MPDZ: variants seen among roughly 807,000 people sequenced by gnomAD.
The protein encoded by MPDZ is multiple PDZ domain crumbs cell polarity complex component, also known as multiple PDZ domain protein.
In MPDZ, 234 loss-of-function variants were observed where a neutral mutation model predicts 239.1. The ratio of observed to expected loss-of-function variants is 0.98; its 90% CI spans 0.88 to 1.09. MPDZ has a LOEUF of 1.09. Ranked by LOEUF, MPDZ falls within the 50% of genes least tolerant of loss-of-function variation. The probability of loss-of-function intolerance (pLI) is 0.00; values close to 1 mark genes in which losing one functional copy is unlikely to be tolerated. For missense variants in MPDZ, 3,175 were observed against 2,510.0 expected, an observed-to-expected ratio of 1.26 and a Z score of -5.66; for synonymous variants, 1,048 against 881.3, an observed-to-expected ratio of 1.19 and a Z score of -3.35.
chr9:13,115,371 T>C (rs1445360531), intron 39 of MPDZ, 37 bp from the exon 40 acceptor site: 2 of 1,488,538 alleles, frequency 1.3e-6, no homozygotes, highest in African/African-American at 2.8e-5. Flanking sequence ...ATGGAAATGT[T>C]TAAATAAAAT....
At chr9:13,119,118 A>G (rs1943944548) in intron 39 of MPDZ, among the ~76,000 whole-genome samples, 1 of 152,142 alleles carries the variant, frequency 6.6e-6, no homozygotes, top group Non-Finnish European at 1.5e-5. Context: ...ATGACTTTTT[A>G]TTTATTTTTT....
At chr9:13,212,009 C>T (rs1227892493) in intron 10 of MPDZ, among the ~76,000 whole-genome samples, 1 of 152,000 alleles carries the variant, frequency 6.6e-6, no homozygotes, top group Non-Finnish European at 1.5e-5. Flanking sequence ...GCAAAAATCT[C>T]CATGTTGGGG....
At chr9:13,224,915 G>A (rs1020914223) in intron 3 of MPDZ, among the ~76,000 whole-genome samples, 1 of 152,042 alleles carries the variant, frequency 6.6e-6, no homozygotes, top group African/African-American at 2.4e-5. Context: ...ATCCTATGAA[G>A]TAACCTCTAA....
intron 26 of MPDZ, 106 bp from the exon 27 acceptor site, chr9:13,143,670 T>G: frequency 1.2e-6 from 1 of 853,856 alleles, no homozygotes; most frequent in Non-Finnish European, 2.0e-6. Context: ...TGTGTGAAAC[T>G]AGATCCTATC....
chr9:13,191,612 A>G (rs1256574429), intron 15 of MPDZ, among the ~76,000 whole-genome samples: 2 of 152,182 alleles, frequency 1.3e-5, no homozygotes, highest in Non-Finnish European at 2.9e-5. Context: ...ACCTATCCAC[A>G]CAGAAATGCT....
intron 22 of MPDZ, chr9:13,165,420 A>G (rs532437245): frequency 3.2e-5 from 50 of 1,548,866 alleles, no homozygotes; most frequent in African/African-American, 9.6e-5. Flanking sequence ...TAGAATGTGA[A>G]GCATACGCCG....
In MPDZ at chr9:13,198,731, C is replaced by CTGTGTG. The variant is rs1402399099; in HGVS notation, c.1547-2502_1547-2501insCACACA. Among the ~76,000 whole-genome samples the CTGTGTG allele has an allele frequency of 9.0e-4, 4 of 4,436 alleles. No individual in the cohort carries two copies. In the South Asian group the frequency reaches 0.024, roughly 26 times the overall value. 2.9% of individuals were successfully genotyped at this position (4,436 alleles called of 152,430 possible). On this transcript the variant is annotated intron_variant, in intron 12 of 46. Transcript: ENST00000319217. ...GTTCTTATATTTAGGTCTTTAATCT[C>CTGTGTG]TCTCTCTGTGTGTGTGTGTGTGTGT... is the stretch of plus-strand genomic sequence containing the variant.
At position 13,176,392 on chromosome 9, in the gene MPDZ, G is replaced by A; in HGVS notation, c.2675C>T (p.Pro892Leu). 6.3e-7 allele frequency: 1 copy of A among 1,575,728 alleles called. No homozygotes were observed. The highest frequency in any genetic ancestry group is 1.2e-5 in the South Asian group (1 of 83,398). Residue 892 changes from proline (P) to leucine (L), a missense_variant, in exon 20 of 47, where the codon CCA (proline) becomes CTA (leucine). Coordinates refer to ENST00000319217, the MANE Select transcript of MPDZ (RefSeq NM_001378778.1). Reference protein sequence around the residue: ...PKDVIENSCDPVLDLHMSLEE... With the variant: ...PKDVIENSCDLVLDLHMSLEE... The stretch of plus-strand genomic sequence containing the variant: ...CAGAGACATATGCAGATCAAGTACT[G>A]GATCACAAGAATTTTCAATAACATC...
intron 19 of MPDZ, among the ~76,000 whole-genome samples, chr9:13,177,815 T>A (rs926660183): frequency 1.2e-4 from 18 of 152,240 alleles, no homozygotes; most frequent in African/African-American, 4.3e-4. Flanking sequence ...AGTATTCATA[T>A]CCACAAAGTA....
In MPDZ at chr9:13,168,451, T is replaced by C. The variant is rs1397718577; in HGVS notation, c.3169A>G (p.Ile1057Val). Residue 1057 changes from isoleucine (I) to valine (V), a missense_variant, in exon 22 of 47, where the codon ATT becomes GTT. Coordinates refer to ENST00000319217, the MANE Select transcript of MPDZ (RefSeq NM_001378778.1). ...RIAIGDCILS[I>V]NEESTISVTN... ...ACACTGATGGTAGACTCTTCATTAA[T>C]GGACAAGATGCAGTCCCCAATGGCA... The C allele has an allele frequency of 3.1e-6, 5 of 1,613,488 alleles. No individual in the cohort carries two copies. Among genetic ancestry groups the C allele is most frequent in the South Asian group, 1.1e-5 (1 of 91,070 alleles).
chr9:13,261,177 C>T (rs1970598222), intron 1 of MPDZ, among the ~76,000 whole-genome samples: 1 of 152,148 alleles, frequency 6.6e-6, no homozygotes, highest in Non-Finnish European at 1.5e-5. Flanking sequence ...ATGGGGTACA[C>T]ACAAGCCAGA....
At chr9:13,252,827 G>A (rs572671974) in intron 1 of MPDZ, among the ~76,000 whole-genome samples, 1 of 152,212 alleles carries the variant, frequency 6.6e-6, no homozygotes, top group South Asian at 2.1e-4. Context: ...TAATCACCCA[G>A]GAGGAAGCAT....
At chr9:13,205,286 C>T (rs973690448) in intron 11 of MPDZ, among the ~76,000 whole-genome samples, 179 bp from the exon 12 acceptor site, 2 of 152,094 alleles carry the variant, frequency 1.3e-5, no homozygotes, top group African/African-American at 4.8e-5. Context: ...TACATTTCTC[C>T]TGTGATTTGC....
chr9:13,137,987 A>G lies in MPDZ; in HGVS notation c.4170T>C (p.Gly1390=), dbSNP rs1363614425. ...IDPNGAAGKD[G]RLQIADELLE... ...GAAGCTCATCTGCAATTTGCAATCG[A>G]CCATCTTTTCCTGCAGCTCCATTTG... Residue 1390 remains glycine (G), a synonymous_variant, in exon 29 of 47, where the codon GGT becomes GGC. Transcript: ENST00000319217. 6.2e-7 allele frequency: 1 copy of G among 1,613,812 alleles called. No individual in the cohort carries two copies. Among genetic ancestry groups the G allele is most frequent in the Admixed American group, 1.7e-5 (1 of 60,008 alleles).
intron 24 of MPDZ, among the ~76,000 whole-genome samples, chr9:13,155,179 C>T (rs1949670741): frequency 6.7e-6 from 1 of 150,024 alleles, no homozygotes; most frequent in Admixed American, 6.6e-5. Context: ...GATCGTGCCA[C>T]TGCATTCCAG....
In MPDZ at chr9:13,205,048, T is replaced by C; in HGVS notation, c.1534A>G (p.Thr512Ala). The C allele has an allele frequency of 2.7e-6, 4 of 1,457,444 alleles. No homozygotes were observed. The highest frequency in any genetic ancestry group is 1.5e-5 in the African/African-American group (1 of 68,326). 90.3% of individuals were successfully genotyped at this position (1,457,444 alleles called of 1,614,324 possible). A position where few individuals can be genotyped will look rare whatever the true frequency, so the allele number is the denominator to read the frequency against. ...GCTAGGTGTTTACCTTCTTCTTCAG[T>C]TGGTAATATGTTGGTGTTTCTCGTC... ...SSTRNTNILP[T>A]EEEGYPLLSA... Residue 512 changes from threonine (T) to alanine (A), a missense_variant, in exon 12 of 47, where the codon ACT becomes GCT. Thr to Ala is a moderately conservative substitution (Grantham distance 58). Coordinates refer to ENST00000319217, the MANE Select transcript of MPDZ (RefSeq NM_001378778.1).
At chr9:13,154,414 C>T (rs1949571295) in intron 24 of MPDZ, among the ~76,000 whole-genome samples, 1 of 152,152 alleles carries the variant, frequency 6.6e-6, no homozygotes, top group Non-Finnish European at 1.5e-5. Context: ...AAACACAGCT[C>T]TGAGGCCAGA....
rs920924529 is a variant in MPDZ, at chr9:13,213,427, T to C, written c.1290+3347A>G. Among the ~76,000 whole-genome samples the C allele has an allele frequency of 9.9e-5, 15 of 152,194 alleles. No homozygotes were observed. The East Asian group carries it at 2.7e-3, about 28-fold the overall frequency. On this transcript the variant is annotated intron_variant, in intron 10 of 46. Transcript: ENST00000319217. Reference sequence around the variant, plus strand: ...ACAACTACAAAATAAAAATAGATTATACTCCTAATAGCTGCTGTCAAAACA... The same window carrying C: ...ACAACTACAAAATAAAAATAGATTACACTCCTAATAGCTGCTGTCAAAACA...
chr9:13,220,327 C>T (rs1162641839), intron 7 of MPDZ, among the ~76,000 whole-genome samples: 1 of 151,884 alleles, frequency 6.6e-6, no homozygotes, highest in Non-Finnish European at 1.5e-5. Context: ...CACATGCAGT[C>T]CATTAACTTT....
Sources: allele counts gnomAD v4.1 joint callset (sites outside exome capture counted in the v4.1 genomes callset), GRCh38; gene constraint gnomAD v4.1.1; transcripts MANE v1.5; gene names NCBI Gene and HGNC (gene_info 2026-07-23, HGNC 2026-07-21).